OPCML: variants seen among roughly 807,000 people sequenced by gnomAD.
OPCML encodes opioid-binding protein/cell adhesion molecule.
Under a neutral mutation model 37.8 loss-of-function variants are expected in OPCML, and 13 were observed. The observed-to-expected ratio is 0.34, with a 90% confidence interval of 0.22 to 0.55. The LOEUF is 0.55. Among genes scored for constraint, OPCML ranks in the 20% least tolerant of loss-of-function variants. The probability of loss-of-function intolerance (pLI) is 0.91; values close to 1 mark genes in which losing one functional copy is unlikely to be tolerated. For missense variants in OPCML, 341 were observed against 435.6 expected, an observed-to-expected ratio of 0.78 and a Z score of 1.93; for synonymous variants, 176 against 168.8, an observed-to-expected ratio of 1.04 and a Z score of -0.33.
chr11:133,492,712 C>CAA (rs10688841), intron 1 of OPCML, among the ~76,000 whole-genome samples: 41,986 of 126,254 alleles, frequency 0.33, 6,907 homozygotes, highest in African/African-American at 0.48. Context: ...CAATTACTGC[C>CAA]AAAAAAAAAA....
intron 1 of OPCML, among the ~76,000 whole-genome samples, chr11:133,349,583 G>C (rs1944081804): frequency 6.6e-6 from 1 of 151,966 alleles, no homozygotes; most frequent in Non-Finnish European, 1.5e-5. Flanking sequence ...TCTTCTTCAG[G>C]GATATTGACC....
chr11:133,488,578 G>A (rs772829456), intron 1 of OPCML, among the ~76,000 whole-genome samples: 10 of 152,038 alleles, frequency 6.6e-5, no homozygotes, highest in Non-Finnish European at 1.3e-4. Context: ...AATTATGATG[G>A]AATAAATCAT....
At chr11:133,076,052 G>A (rs867589589) in intron 1 of OPCML, among the ~76,000 whole-genome samples, 1 of 152,020 alleles carries the variant, frequency 6.6e-6, no homozygotes, top group Non-Finnish European at 1.5e-5. Context: ...TTAGAAAGAC[G>A]CTGTATGTTC....
chr11:132,672,556 G>A (rs1942521440), intron 2 of OPCML, among the ~76,000 whole-genome samples: 2 of 152,244 alleles, frequency 1.3e-5, no homozygotes, highest in South Asian at 2.1e-4. Flanking sequence ...TAAAGCTGAT[G>A]CTATTTAAAA....
At chr11:132,814,325 T>C (rs1939512049) in intron 2 of OPCML, among the ~76,000 whole-genome samples, 1 of 152,144 alleles carries the variant, frequency 6.6e-6, no homozygotes, top group Non-Finnish European at 1.5e-5. Flanking sequence ...TTATGGAGGC[T>C]GAGAAACTTC....
rs540963203 is a variant in OPCML, at chr11:132,529,899, T to A, written c.380-713A>T. On this transcript the variant is annotated intron_variant, in intron 3 of 7. Transcript: ENST00000524381. ...AAATTGTATTTTTTAAATGGCATCA[T>A]ATCCTACTGGTTAGGAGCAGGGCTC... is the stretch of plus-strand genomic sequence containing the variant. 1.5e-4 allele frequency among the ~76,000 whole-genome samples: 23 copies of A among 152,318 alleles called. No individual in the cohort carries two copies. In the East Asian group the frequency reaches 4.4e-3, roughly 29 times the overall value.
At chr11:133,412,505 A>G (rs1484846333) in intron 1 of OPCML, among the ~76,000 whole-genome samples, 2 of 152,212 alleles carry the variant, frequency 1.3e-5, no homozygotes, top group African/African-American at 4.8e-5. Context: ...AGTCCTCATC[A>G]TCAACCTCAT....
intron 1 of OPCML, among the ~76,000 whole-genome samples, chr11:133,219,365 T>C (rs917032714): frequency 3.3e-5 from 5 of 152,252 alleles, no homozygotes; most frequent in African/African-American, 9.6e-5. Flanking sequence ...TCCAGGACAC[T>C]AGCCACCACT....
At chr11:133,409,937 G>C (rs571403716) in intron 1 of OPCML, among the ~76,000 whole-genome samples, 22 of 152,158 alleles carry the variant, frequency 1.4e-4, no homozygotes, top group African/African-American at 5.3e-4. Context: ...ACACACAGGC[G>C]GGTCACATAG....
At chr11:133,526,071 AAG>A in intron 1 of OPCML, among the ~76,000 whole-genome samples, 1 of 152,332 alleles carries the variant, frequency 6.6e-6, no homozygotes, top group Non-Finnish European at 1.5e-5. Context: ...TCTCCGAACC[AAG>A]AGGTCTGGGG....
At chr11:132,441,908 C>G (rs1175508650) in intron 4 of OPCML, among the ~76,000 whole-genome samples, 2 of 152,168 alleles carry the variant, frequency 1.3e-5, no homozygotes, top group Admixed American at 1.3e-4. Flanking sequence ...CACATTCCAA[C>G]AGCACAGTCA....
chr11:133,261,213 G>A (rs184893657), intron 1 of OPCML, among the ~76,000 whole-genome samples: 30 of 152,322 alleles, frequency 2.0e-4, no homozygotes, highest in East Asian at 1.5e-3. Context: ...CTGAGACTAC[G>A]TCACATCCAA....
intron 1 of OPCML, among the ~76,000 whole-genome samples, chr11:133,203,744 C>T (rs1046741743): frequency 1.1e-4 from 16 of 152,090 alleles, no homozygotes; most frequent in African/African-American, 3.9e-4. Flanking sequence ...AATTTCTATT[C>T]ATTGCAGAAT....
intron 1 of OPCML, among the ~76,000 whole-genome samples, chr11:133,165,577 G>C (rs1950198516): frequency 6.6e-6 from 1 of 152,050 alleles, no homozygotes; most frequent in Non-Finnish European, 1.5e-5. Flanking sequence ...CCTAGTTAAA[G>C]GTCAATTGGA....
intron 2 of OPCML, among the ~76,000 whole-genome samples, chr11:132,711,315 G>A (rs1317421873): frequency 2.0e-5 from 3 of 152,162 alleles, no homozygotes; most frequent in Non-Finnish European, 4.4e-5. Flanking sequence ...TGGAAAAAAT[G>A]GAAATAACCC....
chr11:133,193,221 T>C (rs560683157), intron 1 of OPCML, among the ~76,000 whole-genome samples: 1 of 152,194 alleles, frequency 6.6e-6, no homozygotes, highest in South Asian at 2.1e-4. Flanking sequence ...CTGGTTACAA[T>C]CCCTCCATTT....
chr11:132,744,668 G>A (rs951212224), intron 2 of OPCML, among the ~76,000 whole-genome samples: 5 of 152,214 alleles, frequency 3.3e-5, no homozygotes, highest in South Asian at 4.1e-4. Flanking sequence ...GCACTGCCAC[G>A]GAGAGCCATA....
rs564073458 is a variant in OPCML, at chr11:133,212,058, G to A, written c.62-269048C>T. 6.7e-6 allele frequency among the ~76,000 whole-genome samples: 1 copy of A among 149,034 alleles called. No homozygotes were observed. The highest frequency in any genetic ancestry group is 2.1e-4 in the South Asian group (1 of 4,822). On this transcript the variant is annotated intron_variant, in intron 1 of 7. Transcript: ENST00000524381. This position sits in a 1 kb window ranked among gnomAD's most constrained non-coding sequence, Gnocchi z 4.9. ...ACTTTTACAATCTCCATCACTCTAA[G>A]CAGAGCCTTTAAAGGGGTGGGGTTA...
chr11:133,419,583 AAC>A (rs1165081882), intron 1 of OPCML, among the ~76,000 whole-genome samples: 1 of 152,152 alleles, frequency 6.6e-6, no homozygotes, highest in African/African-American at 2.4e-5. Flanking sequence ...ATATGGTGAA[AAC>A]ACTGTACAAT....
Sources: gnomAD v4.1 joint callset for allele counts (sites outside exome capture counted in the v4.1 genomes callset) on GRCh38, gnomAD v4.1.1 for gene constraint, Gnocchi (gnomAD v3.1) non-coding constraint, MANE v1.5 for transcripts, NCBI Gene and HGNC (gene_info 2026-07-23, HGNC 2026-07-21) for gene names.